The following GSTM4 variants were observed in gnomAD, a reference collection of about 807,000 sequenced individuals.
GSTM4 encodes glutathione S-transferase mu 4, also known as GST class-mu 4.
A neutral mutation model predicts 30.1 loss-of-function variants in GSTM4; 27 were observed. The observed-to-expected ratio is 0.90, with a 90% CI of 0.66 to 1.24. The LOEUF (loss-of-function observed/expected upper bound fraction) is 1.24, where lower values mean the gene tolerates loss of function less well. Among genes scored for constraint, GSTM4 ranks in the 50% most tolerant of loss-of-function variants. The probability of loss-of-function intolerance (pLI) is 0.00; values close to 1 mark genes in which losing one functional copy is unlikely to be tolerated. For missense variants in GSTM4, 238 were observed against 272.1 expected (o/e 0.87, Z 0.88); for synonymous variants, 94 against 96.2 (o/e 0.98, Z 0.13).
chr1:109,662,836 A>C (rs1464710097), downstream of GSTM4, among the ~76,000 whole-genome samples: 1 of 152,214 alleles, frequency 6.6e-6, no homozygotes, highest in Non-Finnish European at 1.5e-5. Flanking sequence ...AGAGCTAAAC[A>C]TACATCTACC....
At chr1:109,656,492 C>T in intron 1 of GSTM4, 67 bp downstream of exon 1, 2 of 1,560,104 alleles carry the variant, frequency 1.3e-6, no homozygotes, top group Non-Finnish European at 8.8e-7. Flanking sequence ...GGCTGGGGAC[C>T]GGCTCTAGGG....
At chr1:109,657,441 C>G (rs2101217456) in intron 3 of GSTM4, 149 bp from the exon 4 acceptor site, 2 of 1,434,138 alleles carry the variant, frequency 1.4e-6, no homozygotes, top group East Asian at 4.5e-5. Flanking sequence ...TGTCCCAGCT[C>G]ATTTGTTCAT....
Position 109,656,170 on chromosome 1 carries a change from G to A in GSTM4, c.-220G>A. The stretch of plus-strand genomic sequence containing the variant: ...GATCTTACTCCTTCCAGCCAGTGAG[G>A]ATCCAGCAACCTGCTCCGTGCCTCC... On this transcript the variant is annotated 5_prime_UTR_variant, in exon 1 of 8. Transcript: ENST00000369836. 1.8e-6 allele frequency: 1 copy of A among 565,480 alleles called. No homozygotes were observed. Among genetic ancestry groups the A allele is most frequent in the Non-Finnish European group, 3.3e-6 (1 of 305,180 alleles). 35.0% of individuals were successfully genotyped at this position (565,480 alleles called of 1,614,324 possible).
downstream of GSTM4, chr1:109,661,842 T>C (rs1319013512): frequency 4.3e-5 from 13 of 305,006 alleles, no homozygotes; most frequent in Non-Finnish European, 5.6e-5. Context: ...TCCAACTTTG[T>C]TTTTTTTTTG....
downstream of GSTM4, among the ~76,000 whole-genome samples, chr1:109,661,985 C>T (rs1231123368): frequency 2.0e-5 from 3 of 152,144 alleles, no homozygotes; most frequent in Non-Finnish European, 4.4e-5. Flanking sequence ...TGCCACCACA[C>T]CTGGCCACAT....
intron 2 of GSTM4, 154 bp downstream of exon 2, chr1:109,656,941 TG>T (rs1177842135): frequency 1.1e-6 from 1 of 880,334 alleles, no homozygotes; most frequent in Non-Finnish European, 1.9e-6. Context: ...CCTGTGGCCT[TG>T]CAAGGCAGAA....
chr1:109,662,202 G>A (rs1570622780), downstream of GSTM4, among the ~76,000 whole-genome samples: 1 of 152,336 alleles, frequency 6.6e-6, no homozygotes, highest in Non-Finnish European at 1.5e-5. Flanking sequence ...TAGAAAGGAT[G>A]CCTCTTTCTG....
downstream of GSTM4, chr1:109,661,783 CTGG>C: frequency 1.2e-6 from 1 of 844,826 alleles, no homozygotes; most frequent in Non-Finnish European, 1.5e-6. Context: ...GCTGGTGACC[CTGG>C]CAGTAGCTGG....
At position 109,661,479 on chromosome 1, in the gene GSTM4, TC is replaced by T. The variant is rs551630753; in HGVS notation, c.*230del. The T allele has an allele frequency of 1.6e-3, 2,240 of 1,398,308 alleles. 1 individual carries two copies. The highest frequency in any genetic ancestry group is 5.4e-3 in the Admixed American group (184 of 34,076). The allele number at this position is 1,398,308 out of a possible 1,614,324, so 86.6% of individuals were successfully genotyped here. A position where few individuals can be genotyped will look rare whatever the true frequency, so the allele number is the denominator to read the frequency against. ...AGCTACCCACTTTCCTTCATGAACA[TC>T]CCCCTCCCAACACTACCCTTCCCTG... On this transcript the variant is annotated 3_prime_UTR_variant, in exon 8 of 8. Transcript: ENST00000369836.
At chr1:109,662,884 A>G (rs1482049395), downstream of GSTM4, among the ~76,000 whole-genome samples, 1 of 152,226 alleles carries the variant, frequency 6.6e-6, no homozygotes, top group Non-Finnish European at 1.5e-5. Flanking sequence ...AATGAGTCTT[A>G]ATGGATTCCA....
rs1652296515 is a variant in GSTM4, at chr1:109,661,198, A to G, written c.601A>G (p.Ser201Gly). Residue 201 changes from serine to glycine, a missense_variant, in exon 8 of 8, where the codon AGC becomes GGC. Physicochemically the swap from Ser to Gly is moderately conservative, Grantham distance 56. Coordinates refer to ENST00000369836, the MANE Select transcript of GSTM4 (RefSeq NM_000850.5). ...LEKISAYMKS[S>G]RFLPKPLYTR... ...GAAGATCTCTGCCTACATGAAGTCC[A>G]GCCGCTTCCTCCCAAAACCTCTGTA... 1 of 1,611,514 alleles carries G rather than the reference A, an allele frequency of 6.2e-7. No individual in the cohort carries two copies. The highest frequency in any genetic ancestry group is 1.4e-5 in the African/African-American group (1 of 72,980).
chr1:109,660,832 C>T, intron 7 of GSTM4: 1 of 314,108 alleles, frequency 3.2e-6, no homozygotes, highest in Non-Finnish European at 6.0e-6. Context: ...CTGTTTCCCA[C>T]ATGAGAAATG....
At chr1:109,658,246 C>T (rs1652127957) in intron 5 of GSTM4, 1 of 264,952 alleles carries the variant, frequency 3.8e-6, no homozygotes, top group Non-Finnish European at 7.2e-6. Flanking sequence ...TAATAGCACC[C>T]TCCTCTGTGG....
chr1:109,663,253 G>C (rs1031292649), downstream of GSTM4, among the ~76,000 whole-genome samples: 1 of 152,138 alleles, frequency 6.6e-6, no homozygotes, highest in Non-Finnish European at 1.5e-5. Context: ...GAAGGCTCCT[G>C]GTGCAGTGCT....
chr1:109,657,435 C>G, intron 3 of GSTM4, 155 bp from the exon 4 acceptor site: 1 of 1,426,726 alleles, frequency 7.0e-7, no homozygotes, highest in Non-Finnish European at 9.9e-7. Context: ...GTTCTGTGTC[C>G]CAGCTCATTT....
chr1:109,659,152 C>A, intron 7 of GSTM4, 42 bp downstream of exon 7: 2 of 1,614,224 alleles, frequency 1.2e-6, no homozygotes, highest in Non-Finnish European at 1.7e-6. Flanking sequence ...CCCCTTGTTC[C>A]GTTACCTCCT....
At position 109,657,049 on chromosome 1, in the gene GSTM4, C is replaced by T. The variant is rs376909207; in HGVS notation, c.113-166C>T. On this transcript the variant is annotated intron_variant, in intron 2 of 7. Transcript: ENST00000369836. ...AGCCTTAGCCGTGTGGGGTCCAGAG[C>T]CCTCAGCGGGATTCTTTGTCCCTGA... is the stretch of plus-strand genomic sequence containing the variant. The T allele has an allele frequency of 2.0e-4, 162 of 813,256 alleles. 1 individual carries two copies. The East Asian group carries it at 3.4e-3, about 17-fold the overall frequency. The allele number at this position is 813,256 out of a possible 1,614,324, so 50.4% of individuals were successfully genotyped here.
In GSTM4 at chr1:109,657,848, CAG is replaced by C. The variant is rs1226797415; in HGVS notation, c.339_340del (p.Arg113SerfsTer6). 1.2e-6 allele frequency: 2 copies of C among 1,614,004 alleles called. No homozygotes were observed. Among genetic ancestry groups the C allele is most frequent in the South Asian group, 1.1e-5 (1 of 91,080 alleles). Reference protein sequence around the residue: ...QAMDVSNQLARVCYSPDFEKL... With the variant: ...QAMDVSNQLAXVCYSPDFEKL... ...CTATGGACGTCTCCAATCAGCTGGC[CAG>C]AGTCTGCTACAGCCCTGACTTTGTG... On this transcript the variant is annotated frameshift_variant, in exon 5 of 8. Transcript: ENST00000369836. LOFTEE classifies it high-confidence loss of function.
At chr1:109,666,724 G>A (rs1480802233), downstream of GSTM4, among the ~76,000 whole-genome samples, 1 of 152,034 alleles carries the variant, frequency 6.6e-6, no homozygotes, top group East Asian at 1.9e-4. Flanking sequence ...CCCATTCCTG[G>A]GTTTCTTTTT....
Sources: gnomAD v4.1 joint callset for allele counts (sites outside exome capture counted in the v4.1 genomes callset) on GRCh38, gnomAD v4.1.1 for gene constraint, MANE v1.5 for transcripts, NCBI Gene and HGNC (gene_info 2026-07-23, HGNC 2026-07-21) for gene names.